Variants in KCNIP4 observed in about 807,000 individuals in gnomAD.
The protein encoded by KCNIP4 is Kv channel-interacting protein 4.
A neutral mutation model predicts 34.0 loss-of-function variants in KCNIP4; 12 were observed. The observed-to-expected ratio is 0.35, with a 90% CI of 0.23 to 0.57. The LOEUF is 0.57. KCNIP4 is among the 20% of genes least tolerant of loss of function. KCNIP4 has a pLI of 0.83. For missense variants in KCNIP4, 238 were observed against 311.7 expected (o/e 0.76, Z 1.78); for synonymous variants, 124 against 102.2 (o/e 1.21, Z -1.29).
At chr4:21,771,802 G>A (rs1718812773) in intron 1 of KCNIP4, among the ~76,000 whole-genome samples, 1 of 152,162 alleles carries the variant, frequency 6.6e-6, no homozygotes. Flanking sequence ...TGCTGAAGTT[G>A]CTTATCAGCT....
chr4:21,322,050 A>G (rs1714531976), intron 1 of KCNIP4, among the ~76,000 whole-genome samples: 1 of 141,664 alleles, frequency 7.1e-6, no homozygotes, highest in Non-Finnish European at 1.5e-5. Context: ...GGAAGGAAGG[A>G]AGAAAGGAAG....
intron 1 of KCNIP4, among the ~76,000 whole-genome samples, chr4:21,705,694 G>T: frequency 6.6e-6 from 1 of 152,214 alleles, no homozygotes; most frequent in South Asian, 2.1e-4. Flanking sequence ...AGAAAGTGAT[G>T]ATGTTTGAGT....
intron 3 of KCNIP4, among the ~76,000 whole-genome samples, chr4:20,786,798 A>G (rs1712057329): frequency 1.3e-5 from 2 of 151,970 alleles, no homozygotes; most frequent in South Asian, 4.2e-4. Context: ...CATTTGTTAA[A>G]GAGAAAACAG....
chr4:21,352,810 A>T (rs113142263), intron 1 of KCNIP4, among the ~76,000 whole-genome samples: 13,202 of 152,280 alleles, frequency 0.087, 658 homozygotes, highest in Middle Eastern at 0.13. Flanking sequence ...CTGAGAACAG[A>T]CTGCCTCCTT....
intron 1 of KCNIP4, among the ~76,000 whole-genome samples, chr4:21,404,780 A>T (rs1360890519): frequency 6.6e-6 from 1 of 152,212 alleles, no homozygotes; most frequent in Non-Finnish European, 1.5e-5. Context: ...ATGGTTAAAT[A>T]TTAGTCTGGG....
chr4:20,970,031 TC>T (rs1734770725), intron 1 of KCNIP4, among the ~76,000 whole-genome samples: 1 of 151,784 alleles, frequency 6.6e-6, no homozygotes, highest in South Asian at 2.1e-4. Context: ...AAGCTCTGCC[TC>T]CCGGGTTCAC....
chr4:20,735,145 C>T (rs1749282367), intron 5 of KCNIP4, among the ~76,000 whole-genome samples: 1 of 152,162 alleles, frequency 6.6e-6, no homozygotes, highest in Non-Finnish European at 1.5e-5. Context: ...ATGTGGCTGT[C>T]CATAAAAGAT....
At position 21,146,260 on chromosome 4, in the gene KCNIP4, T is replaced by G. The variant is rs192492824; in HGVS notation, c.62-263551A>C. ...AAAAATACAAAAAATTAGCCAGGCG[T>G]GGTGGCGGGCGCCTATAGTCCCAGC... On this transcript the variant is annotated intron_variant, in intron 1 of 8. Coordinates refer to ENST00000382152, the MANE Select transcript of KCNIP4 (RefSeq NM_025221.6). Among the ~76,000 whole-genome samples the G allele has an allele frequency of 7.4e-4, 112 of 152,022 alleles. 1 individual carries two copies. Among genetic ancestry groups the G allele is most frequent in the Non-Finnish European group, 4.0e-4 (27 of 67,962 alleles).
intron 4 of KCNIP4, among the ~76,000 whole-genome samples, chr4:20,752,403 G>A (rs928580464): frequency 6.6e-6 from 1 of 152,116 alleles, no homozygotes; most frequent in Non-Finnish European, 1.5e-5. Flanking sequence ...TATTTGCAAA[G>A]TGTTTAGAAA....
intron 1 of KCNIP4, among the ~76,000 whole-genome samples, chr4:21,205,112 T>C (rs1237392440): frequency 6.6e-6 from 1 of 152,204 alleles, no homozygotes; most frequent in Non-Finnish European, 1.5e-5. Flanking sequence ...AATAAGAATA[T>C]GACTGTGGAG....
At chr4:21,379,372 G>T (rs747271585) in intron 1 of KCNIP4, among the ~76,000 whole-genome samples, 1 of 152,130 alleles carries the variant, frequency 6.6e-6, no homozygotes, top group Non-Finnish European at 1.5e-5. Flanking sequence ...CCTCTTCAGA[G>T]ACCTTAAATC....
intron 1 of KCNIP4, among the ~76,000 whole-genome samples, chr4:20,938,439 T>C (rs568773280): frequency 6.6e-6 from 1 of 152,298 alleles, no homozygotes; most frequent in African/African-American, 2.4e-5. Context: ...CCAGTCTCCA[T>C]CACTGCTCTG....
chr4:20,909,577 A>G (rs556050110), intron 1 of KCNIP4, among the ~76,000 whole-genome samples: 4 of 152,296 alleles, frequency 2.6e-5, no homozygotes, highest in Non-Finnish European at 5.9e-5. Flanking sequence ...TCATGCTCAC[A>G]TGTTCCCCTT....
At chr4:20,742,936 C>T (rs1406789121) in intron 5 of KCNIP4, among the ~76,000 whole-genome samples, 1 of 151,698 alleles carries the variant, frequency 6.6e-6, no homozygotes, top group Non-Finnish European at 1.5e-5. Flanking sequence ...ACAAACAGAG[C>T]CAAATCATGA....
chr4:21,405,650 T>C (rs1022869598), intron 1 of KCNIP4, among the ~76,000 whole-genome samples: 1 of 152,218 alleles, frequency 6.6e-6, no homozygotes, highest in Non-Finnish European at 1.5e-5. Context: ...GGATCATGCA[T>C]GACACATGGA....
chr4:21,280,883 G>A (rs574541595), intron 1 of KCNIP4, among the ~76,000 whole-genome samples: 35 of 152,236 alleles, frequency 2.3e-4, no homozygotes, highest in Admixed American at 1.6e-3. Flanking sequence ...GGTTTCTTGC[G>A]TAGCAGAGAC....
chr4:21,497,039 A>C (rs986417517), intron 1 of KCNIP4, among the ~76,000 whole-genome samples: 14 of 152,164 alleles, frequency 9.2e-5, no homozygotes, highest in African/African-American at 3.4e-4. Context: ...AAAGTAGATT[A>C]GTTGGATTTC....
intron 2 of KCNIP4, among the ~76,000 whole-genome samples, chr4:20,873,000 T>G (rs1037510232): frequency 1.7e-4 from 26 of 152,294 alleles, no homozygotes; most frequent in African/African-American, 6.3e-4. Context: ...AATTTCACCA[T>G]TATCATTTTG....
rs187049492 is a variant in KCNIP4, at chr4:21,463,452, T to C, written c.61+485119A>G. The stretch of plus-strand genomic sequence containing the variant: ...TGGGCAACCATTAATCTAGTTTCTG[T>C]CTCTATAGATTTCTGTATTCTGGAC... On this transcript the variant is annotated intron_variant, in intron 1 of 8. Coordinates refer to ENST00000382152, the MANE Select transcript of KCNIP4 (RefSeq NM_025221.6). Among the ~76,000 whole-genome samples, 449 of 152,192 alleles carry C rather than the reference T, an allele frequency of 3.0e-3. 1 individual carries two copies. Among genetic ancestry groups the C allele is most frequent in the African/African-American group, 0.01 (422 of 41,548 alleles).
Sources: gnomAD v4.1 joint callset for allele counts (sites outside exome capture counted in the v4.1 genomes callset) on GRCh38, gnomAD v4.1.1 for gene constraint, MANE v1.5 for transcripts, NCBI Gene and HGNC (gene_info 2026-07-23, HGNC 2026-07-21) for gene names.